The following IPO9 variants were observed in gnomAD, a reference collection of about 807,000 sequenced individuals.
IPO9 encodes the protein importin 9.
IPO9 carries 28 observed loss-of-function variants against 128.6 expected under a neutral mutation model. The observed-to-expected ratio is 0.22, with a 90% CI of 0.16 to 0.30. IPO9 has a LOEUF of 0.30. Among genes scored for constraint, IPO9 ranks in the 10% least tolerant of loss-of-function variants. The pLI is 1.00. For synonymous variants in IPO9, 455 were observed against 475.8 expected, an observed-to-expected ratio of 0.96 and a Z score of 0.57; for missense variants, 935 against 1,293.9, an observed-to-expected ratio of 0.72 and a Z score of 4.26.
At chr1:201,842,547 CTTA>C (rs961071375) in intron 1 of IPO9, among the ~76,000 whole-genome samples, 11 of 152,142 alleles carry the variant, frequency 7.2e-5, no homozygotes, top group Admixed American at 6.5e-4. Flanking sequence ...ATCAAGTCAG[CTTA>C]TTAGCATACA....
rs1171670914 is a variant in IPO9 at position 201,847,178 on chromosome 1, T to A, written c.164-101T>A. The A allele has an allele frequency of 3.6e-6, 3 of 836,250 alleles. No individual in the cohort carries two copies. In the East Asian group the frequency reaches 7.3e-5, roughly 20 times the overall value. 51.8% of individuals were successfully genotyped at this position (836,250 alleles called of 1,614,324 possible). On this transcript the variant is annotated intron_variant, in intron 1 of 23. Transcript: ENST00000361565. ...ATCAGCTCTTTTTGAAACAACAGAT[T>A]AAGTTTCTTTCTGGAATCTTGTTGG...
chr1:201,866,298 A>G (rs1434860081), intron 14 of IPO9, among the ~76,000 whole-genome samples: 1 of 152,168 alleles, frequency 6.6e-6, no homozygotes, highest in Non-Finnish European at 1.5e-5. Flanking sequence ...GTCCTAGACA[A>G]TGTATTTTTA....
At chr1:201,841,914 A>G (rs753510823) in intron 1 of IPO9, among the ~76,000 whole-genome samples, 2 of 152,212 alleles carry the variant, frequency 1.3e-5, no homozygotes, top group Admixed American at 6.5e-5. Context: ...CTGCTCTCAC[A>G]CTACAACAGT....
In IPO9 at chr1:201,851,756, A is replaced by G. The variant is rs560248210; in HGVS notation, c.515-348A>G. Among the ~76,000 whole-genome samples the G allele has an allele frequency of 1.1e-4, 16 of 152,344 alleles. No individual in the cohort carries two copies. The South Asian group carries it at 2.1e-3, about 20-fold the overall frequency. On this transcript the variant is annotated intron_variant, in intron 4 of 23. Transcript: ENST00000361565. ...GTAAGAAACCTCGAAGTGTAACTGA[A>G]TGTTGACAGATGGGCACAAGATAAA...
At chr1:201,839,965 A>T (rs1163620461) in intron 1 of IPO9, among the ~76,000 whole-genome samples, 3 of 152,194 alleles carry the variant, frequency 2.0e-5, no homozygotes, top group African/African-American at 7.2e-5. Context: ...TTAAAAATTG[A>T]GGAACAAAGG....
At chr1:201,869,833 A>G (rs1359607626) in intron 17 of IPO9, 115 bp downstream of exon 17, 1 of 1,270,266 alleles carries the variant, frequency 7.9e-7, no homozygotes. Flanking sequence ...TCTCAACTCC[A>G]TATTTACTTA....
intron 1 of IPO9, among the ~76,000 whole-genome samples, chr1:201,844,310 A>G (rs1571541827): frequency 6.6e-6 from 1 of 152,338 alleles, no homozygotes; most frequent in Non-Finnish European, 1.5e-5. Flanking sequence ...CCAAAAATGT[A>G]TAACCTCAAT....
rs12087336 is a variant in IPO9, at chr1:201,829,272, A to G, written c.63A>G (p.Leu21=). 4,747 of 1,600,672 alleles carry G rather than the reference A, an allele frequency of 3.0e-3. 73 individuals carry two copies. In the African/African-American group the frequency reaches 0.044, roughly 15 times the overall value. ...SGLPGPVAQG[L]KEALVDTLTG... is the part of the protein sequence containing the mutation. ...TGCCGGGTCCAGTGGCACAAGGATT[A>G]AAGGAAGCGTTAGTGGATACGCTCA... The change falls in exon 1 of 24, where the codon TTA becomes TTG. Residue 21 remains leucine, a synonymous_variant. Transcript: ENST00000361565.
At position 201,848,552 on chromosome 1, in the gene IPO9, G is replaced by A. The variant is rs112441081; in HGVS notation, c.472G>A (p.Gly158Arg). 3.1e-6 allele frequency: 5 copies of A among 1,614,124 alleles called. No individual in the cohort carries two copies. The highest frequency in any genetic ancestry group is 4.2e-6 in the Non-Finnish European group (5 of 1,180,018). ...CCTGCTCATGGAGATGTTGGTGAGC[G>A]GAGACTTAAATGCCGTCCATGGAGC... ...FNLLMEMLVS[G>R]DLNAVHGAMR... The change falls in exon 4 of 24, where the codon GGA (glycine) becomes AGA (arginine). Residue 158 changes from glycine to arginine, a missense_variant. By Grantham distance (125) the Gly-to-Arg change is moderately radical (BLOSUM62 -2). Around this residue, in one of 3 missense-constraint regions of IPO9, gnomAD observed 741 missense variants for 1,019.1 expected, o/e 0.73. Transcript: ENST00000361565.
At position 201,879,208 on chromosome 1, in the gene IPO9, T is replaced by C. The variant is rs1680837620; in HGVS notation, c.*3154T>C. 6.6e-6 allele frequency: 1 copy of C among 152,166 alleles called. No individual in the cohort carries two copies. Among genetic ancestry groups the C allele is most frequent in the Non-Finnish European group, 1.5e-5 (1 of 68,036 alleles). The allele number at this position is 152,166 out of a possible 1,614,324, so 9.4% of individuals were successfully genotyped here. ...AACAAATGACCCAAAAGCACCTAAATAAGAGTGACGAGAGTTTAACAGACA... is the reference window on the plus strand; with the variant it reads ...AACAAATGACCCAAAAGCACCTAAACAAGAGTGACGAGAGTTTAACAGACA... On this transcript the variant is annotated 3_prime_UTR_variant, in exon 24 of 24. Coordinates refer to ENST00000361565, the MANE Select transcript of IPO9 (RefSeq NM_018085.5).
chr1:201,848,405 A>T lies in IPO9; in HGVS notation c.325A>T (p.Ile109Phe). Residue 109 changes from isoleucine to phenylalanine, a missense_variant, in exon 4 of 24, where the codon ATC (isoleucine) becomes TTC (phenylalanine). Ile to Phe is a conservative substitution (Grantham distance 21). This residue lies in a region of IPO9 where 741 missense variants were observed against 1,019.1 expected (regional missense o/e 0.73). Coordinates refer to ENST00000361565, the MANE Select transcript of IPO9 (RefSeq NM_018085.5). ...TTATCCCTTACAGGCAAAAATTGTTATCCGGGAGCTATTGCCTAATGGGTT... is the reference window on the plus strand; with the variant it reads ...TTATCCCTTACAGGCAAAAATTGTTTTCCGGGAGCTATTGCCTAATGGGTT... ...PETTERAKIV[I>F]RELLPNGLRE... 6.2e-7 allele frequency: 1 copy of T among 1,614,132 alleles called. No individual in the cohort carries two copies. The highest frequency in any genetic ancestry group is 8.5e-7 in the Non-Finnish European group (1 of 1,180,004).
Position 201,847,307 on chromosome 1 carries a change from T to G in IPO9, c.192T>G (p.Thr64=). ...EEFGVHLAEL[T]VDPQGALAIR... is the part of the protein sequence containing the mutation. Reference sequence around the variant, plus strand: ...TTGGTGTTCACTTGGCAGAACTGACTGTAGATCCCCAGGGGGCACTGGCAA... The same window carrying G: ...TTGGTGTTCACTTGGCAGAACTGACGGTAGATCCCCAGGGGGCACTGGCAA... Residue 64 remains threonine, a synonymous_variant, in exon 2 of 24, where the codon ACT becomes ACG. Transcript: ENST00000361565. 2.5e-6 allele frequency: 4 copies of G among 1,614,104 alleles called. No homozygotes were observed. The highest frequency in any genetic ancestry group is 3.4e-6 in the Non-Finnish European group (4 of 1,179,962).
intron 14 of IPO9, 87 bp from the exon 15 acceptor site, chr1:201,866,646 A>G (rs922603675): frequency 4.9e-6 from 5 of 1,011,176 alleles, no homozygotes; most frequent in African/African-American, 3.2e-5. Flanking sequence ...AAAGCTACAC[A>G]TACAAATGCT....
intron 1 of IPO9, among the ~76,000 whole-genome samples, chr1:201,842,624 G>T (rs867930888): frequency 6.6e-6 from 1 of 152,164 alleles, no homozygotes; most frequent in Non-Finnish European, 1.5e-5. Flanking sequence ...TGAAGTAGAA[G>T]ACCAAATACA....
At chr1:201,872,731 C>A in intron 19 of IPO9, 97 bp from the exon 20 acceptor site, 2 of 1,361,976 alleles carry the variant, frequency 1.5e-6, no homozygotes, top group Non-Finnish European at 2.0e-6. Flanking sequence ...GGAATTTTCA[C>A]TATCAAATAG....
At chr1:201,861,641 G>A (rs138849800) in intron 13 of IPO9, among the ~76,000 whole-genome samples, 13 of 152,284 alleles carry the variant, frequency 8.5e-5, no homozygotes, top group African/African-American at 2.6e-4. Flanking sequence ...TCTGTATTGC[G>A]TAATTTGACT....
chr1:201,865,499 C>T (rs1010355871), intron 14 of IPO9, among the ~76,000 whole-genome samples: 5 of 152,120 alleles, frequency 3.3e-5, no homozygotes, highest in East Asian at 1.9e-4. Flanking sequence ...TGAGCCACCG[C>T]GCCCGGCCTG....
In IPO9 at chr1:201,847,621, C is replaced by A. The variant is rs1172689045; in HGVS notation, c.295C>A (p.Pro99Thr). ...TGCCCAATCAGAGAAATTTAGGCCT[C>A]CTGAAACTACAGAAAGGGTAAGTCA... ...WCAQSEKFRPPETTERAKIVI... is the reference protein window; with the variant it reads ...WCAQSEKFRPTETTERAKIVI... The change falls in exon 3 of 24, where the codon CCT becomes ACT. Residue 99 changes from proline to threonine, a missense_variant. Around this residue, in one of 3 missense-constraint regions of IPO9, gnomAD observed 741 missense variants for 1,019.1 expected, o/e 0.73. Coordinates refer to ENST00000361565, the MANE Select transcript of IPO9 (RefSeq NM_018085.5). 1 of 1,612,918 alleles carries A rather than the reference C, an allele frequency of 6.2e-7. No individual in the cohort carries two copies. Among genetic ancestry groups the A allele is most frequent in the African/African-American group, 1.3e-5 (1 of 74,988 alleles).
intron 12 of IPO9, 53 bp from the exon 13 acceptor site, chr1:201,858,802 T>A: frequency 6.5e-7 from 1 of 1,537,896 alleles, no homozygotes; most frequent in Non-Finnish European, 8.9e-7. Flanking sequence ...CTCAAATATT[T>A]ATCTCTTTTG....
Sources: allele counts gnomAD v4.1 joint callset (sites outside exome capture counted in the v4.1 genomes callset), GRCh38; gene constraint gnomAD v4.1.1; regional missense constraint gnomAD v4.1.1; transcripts MANE v1.5; gene names NCBI Gene and HGNC (gene_info 2026-07-23, HGNC 2026-07-21).